Variants in CWC22 observed in about 807,000 individuals in gnomAD.
CWC22 encodes the protein CWC22 spliceosome associated protein, also known as pre-mRNA-splicing factor CWC22 homolog.
A neutral mutation model predicts 117.2 loss-of-function variants in CWC22; 53 were observed. The observed-to-expected ratio is 0.45, with a 90% CI of 0.36 to 0.57. CWC22 has a LOEUF of 0.57. CWC22 is among the 20% of genes least tolerant of loss of function. The pLI is 0.00. For missense variants in CWC22, 980 were observed against 1,068.8 expected (o/e 0.92, Z 1.16); for synonymous variants, 360 against 355.6 (o/e 1.01, Z -0.14).
chr2:179,954,814 A>C (rs1686543004), intron 15 of CWC22, 143 bp downstream of exon 15: 7 of 581,780 alleles, frequency 1.2e-5, no homozygotes, highest in Non-Finnish European at 2.1e-5. Flanking sequence ...AGGTGAAGAG[A>C]GTGGGAAACC....
intron 1 of CWC22, among the ~76,000 whole-genome samples, chr2:179,995,619 T>C (rs1405309244): frequency 6.6e-6 from 1 of 152,162 alleles, no homozygotes; most frequent in Non-Finnish European, 1.5e-5. Flanking sequence ...GCTAGGAAGT[T>C]CCTACTGAAC....
chr2:179,976,046 T>G (rs1486182504), intron 6 of CWC22, among the ~76,000 whole-genome samples: 4 of 152,062 alleles, frequency 2.6e-5, no homozygotes, highest in African/African-American at 9.7e-5. Context: ...GACAATAGTA[T>G]AAAAACAGAC....
Position 179,963,344 on chromosome 2 carries a change from T to TG in CWC22, c.1397+1202_1397+1203insC, listed in dbSNP as rs1344106871. On this transcript the variant is annotated intron_variant, in intron 13 of 19. Coordinates refer to ENST00000410053, the MANE Select transcript of CWC22 (RefSeq NM_020943.3). ...GAAAAAATATTTAATACTTTTTTTT[T>TG]TTTTTTTTTTTTTTTTGAGACGGAG... 8.4e-5 allele frequency among the ~76,000 whole-genome samples: 11 copies of TG among 131,356 alleles called. No homozygotes were observed. In the East Asian group the frequency reaches 2.0e-3, roughly 23 times the overall value. The allele number at this position is 131,356 out of a possible 152,430, so 86.2% of individuals were successfully genotyped here. A position where few individuals can be genotyped will look rare whatever the true frequency, so the allele number is the denominator to read the frequency against.
At chr2:179,982,498 G>A (rs546334950) in intron 4 of CWC22, among the ~76,000 whole-genome samples, 27 of 152,288 alleles carry the variant, frequency 1.8e-4, no homozygotes, top group Middle Eastern at 6.8e-3. Flanking sequence ...TGGTGTATAT[G>A]ACAAATTGTA....
At chr2:179,959,917 A>G (rs1686701926) in intron 13 of CWC22, among the ~76,000 whole-genome samples, 1 of 152,056 alleles carries the variant, frequency 6.6e-6, no homozygotes, top group Non-Finnish European at 1.5e-5. Flanking sequence ...AAAGGCAAAA[A>G]TAAAAATAAG....
At position 179,965,903 on chromosome 2, in the gene CWC22, CTCTTCT is replaced by C. The variant is rs761114703; in HGVS notation, c.1284_1289del (p.Glu431_Glu432del). 6.4e-7 allele frequency: 1 copy of C among 1,574,680 alleles called. No homozygotes were observed. The highest frequency in any genetic ancestry group is 1.3e-5 in the African/African-American group (1 of 74,180). ...CTTCTTCATCTTCTTCTCCCTCTTC[CTCTTCT>C]TCTTCCTCGTCCTCTTCACTACTCC... On this transcript the variant is annotated inframe_deletion, in exon 12 of 20. Coordinates refer to ENST00000410053, the MANE Select transcript of CWC22 (RefSeq NM_020943.3).
intron 13 of CWC22, among the ~76,000 whole-genome samples, chr2:179,963,377 C>G (rs1686804934): frequency 1.8e-5 from 2 of 113,674 alleles, no homozygotes; most frequent in African/African-American, 6.8e-5. Context: ...GAGTCTCGCT[C>G]TGTCGCCCAG....
At chr2:179,970,593 T>C (rs371366030) in intron 10 of CWC22, 30 bp from the exon 11 acceptor site, 3 of 1,558,996 alleles carry the variant, frequency 1.9e-6, no homozygotes, top group Non-Finnish European at 2.6e-6. Context: ...TAATGTTTAT[T>C]TTCTATATTT....
At chr2:179,973,037 A>G (rs1687071862) in intron 8 of CWC22, among the ~76,000 whole-genome samples, 156 bp downstream of exon 8, 1 of 152,032 alleles carries the variant, frequency 6.6e-6, no homozygotes, top group African/African-American at 2.4e-5. Flanking sequence ...AGAACATTAA[A>G]TATATTTATT....
intron 1 of CWC22, among the ~76,000 whole-genome samples, chr2:179,996,430 C>T (rs762112518): frequency 6.6e-6 from 1 of 152,006 alleles, no homozygotes; most frequent in Non-Finnish European, 1.5e-5. Flanking sequence ...ATACGCTTAA[C>T]AGTAGAATGG....
At chr2:179,954,921 G>A (rs1686545538) in intron 15 of CWC22, 36 bp downstream of exon 15, 2 of 1,180,246 alleles carry the variant, frequency 1.7e-6, no homozygotes, top group Non-Finnish European at 2.5e-6. Context: ...TACAATATTC[G>A]TTTTAAGAAT....
At chr2:179,966,734 T>C (rs1052446095) in intron 11 of CWC22, among the ~76,000 whole-genome samples, 19 of 152,232 alleles carry the variant, frequency 1.2e-4, no homozygotes, top group African/African-American at 4.3e-4. Context: ...TTTTGTCCAA[T>C]GGTGCTCTGT....
rs377465010 is a variant in CWC22, at chr2:179,993,274, C to T, written c.27+41G>A. ...TTATATTTAAAGAATAGGTAATTGA[C>T]TATAAGTTTACATCCTCCATTTTAA... is the stretch of plus-strand genomic sequence containing the variant. On this transcript the variant is annotated intron_variant, in intron 2 of 19. Coordinates refer to ENST00000410053, the MANE Select transcript of CWC22 (RefSeq NM_020943.3). 4.2e-5 allele frequency: 59 copies of T among 1,392,410 alleles called. No homozygotes were observed. The East Asian group carries it at 7.3e-4, about 17-fold the overall frequency. The allele number at this position is 1,392,410 out of a possible 1,614,324, so 86.3% of individuals were successfully genotyped here.
intron 19 of CWC22, among the ~76,000 whole-genome samples, chr2:179,949,280 A>G (rs1047269024): frequency 6.6e-6 from 1 of 152,204 alleles, no homozygotes; most frequent in Non-Finnish European, 1.5e-5. Flanking sequence ...TGCAATACAT[A>G]TATGTACAAA....
intron 5 of CWC22, among the ~76,000 whole-genome samples, chr2:179,980,574 C>T (rs551611795): frequency 2.0e-5 from 3 of 152,026 alleles, no homozygotes; most frequent in Admixed American, 6.5e-5. Flanking sequence ...CCCACCACCA[C>T]GCCTGGCTAA....
At chr2:179,967,072 G>A (rs550750099) in intron 11 of CWC22, among the ~76,000 whole-genome samples, 50 of 152,288 alleles carry the variant, frequency 3.3e-4, no homozygotes, top group African/African-American at 1.1e-3. Flanking sequence ...GGCTTAGACA[G>A]ACTTTTAAAA....
At chr2:179,973,016 GAA>G (rs1172800378) in intron 8 of CWC22, among the ~76,000 whole-genome samples, 175 bp downstream of exon 8, 1 of 137,424 alleles carries the variant, frequency 7.3e-6, no homozygotes, top group Non-Finnish European at 1.6e-5. Context: ...CTCAAAAAAA[GAA>G]AAAAAAAAAG....
rs750602452 is a variant in CWC22, at chr2:179,988,620, C to T, written c.52G>A (p.Glu18Lys). 27 of 1,525,204 alleles carry T rather than the reference C, an allele frequency of 1.8e-5. No homozygotes were observed. The highest frequency in any genetic ancestry group is 2.2e-5 in the Non-Finnish European group (25 of 1,129,746). The allele number at this position is 1,525,204 out of a possible 1,614,324, so 94.5% of individuals were successfully genotyped here. A position where few individuals can be genotyped will look rare whatever the true frequency, so the allele number is the denominator to read the frequency against. ...IKPSSGHDRR[E>K]NLNSYQRNSS... Reference sequence around the variant, plus strand: ...TTCCTCTGATATGAATTAAGGTTTTCCCTTCTGTCATGACCAGAAGAAGGC... The same window carrying T: ...TTCCTCTGATATGAATTAAGGTTTTTCCTTCTGTCATGACCAGAAGAAGGC... The change falls in exon 3 of 20, where the codon GAA becomes AAA. Residue 18 changes from glutamate (E) to lysine (K), a missense_variant. Physicochemically the swap from Glu to Lys is moderately conservative, Grantham distance 56 (BLOSUM62 1). Around this residue, in one of 3 missense-constraint regions of CWC22, gnomAD observed 559 missense variants for 602.3 expected, o/e 0.93. Coordinates refer to ENST00000410053, the MANE Select transcript of CWC22 (RefSeq NM_020943.3).
At position 179,947,182 on chromosome 2, in the gene CWC22, CTG is replaced by C. The variant is rs1327262838; in HGVS notation, c.2141-1469_2141-1468del. On this transcript the variant is annotated intron_variant, in intron 19 of 19. Transcript: ENST00000410053. ...TCACCCTAATTCTACCTAAATCTCA[CTG>C]TACCAGCCTCTATTTCTTCCGCTAA... Among the ~76,000 whole-genome samples the C allele has an allele frequency of 3.9e-5, 6 of 152,306 alleles. No individual in the cohort carries two copies. In the South Asian group the frequency reaches 1.2e-3, roughly 32 times the overall value.
Sources: gnomAD v4.1 joint callset for allele counts (sites outside exome capture counted in the v4.1 genomes callset) on GRCh38, gnomAD v4.1.1 for gene constraint, gnomAD v4.1.1 regional missense constraint, MANE v1.5 for transcripts, NCBI Gene and HGNC (gene_info 2026-07-23, HGNC 2026-07-21) for gene names.